The following STK3 variants were observed in gnomAD, a reference collection of about 807,000 sequenced individuals.
The protein encoded by STK3 is serine/threonine-protein kinase 3.
STK3 carries 41 observed loss-of-function variants against 58.0 expected under a neutral mutation model. The observed-to-expected ratio is 0.71, with a 90% CI of 0.55 to 0.92. STK3 has a LOEUF of 0.92. STK3 is among the 40% of genes least tolerant of loss of function. STK3 has a pLI of 0.00. For synonymous variants in STK3, 170 were observed against 191.0 expected, an observed-to-expected ratio of 0.89 and a Z score of 0.91; for missense variants, 479 against 602.7, an observed-to-expected ratio of 0.79 and a Z score of 2.15.
intron 3 of STK3, among the ~76,000 whole-genome samples, chr8:98,832,507 A>G (rs1053412893): frequency 1.3e-5 from 2 of 152,186 alleles, no homozygotes; most frequent in African/African-American, 4.8e-5. Context: ...AATGCTGGTC[A>G]GTTGTATTGT....
chr8:98,571,043 CT>C (rs373721477), intron 8 of STK3, among the ~76,000 whole-genome samples: 10 of 152,278 alleles, frequency 6.6e-5, no homozygotes, highest in African/African-American at 2.4e-4. Context: ...AAAAGGTAGA[CT>C]TTTGGCCAGA....
chr8:98,827,606 TA>T (rs1360065975), upstream of STK3, among the ~76,000 whole-genome samples: 1 of 152,226 alleles, frequency 6.6e-6, no homozygotes, highest in Non-Finnish European at 1.5e-5. Flanking sequence ...TTAGTTATTT[TA>T]AGACCATTCA....
intron 1 of STK3, among the ~76,000 whole-genome samples, chr8:98,443,326 T>G (rs951907540): frequency 6.6e-6 from 1 of 152,244 alleles, no homozygotes; most frequent in African/African-American, 2.4e-5. Flanking sequence ...TATTGAGTAA[T>G]CTAACTCAGG....
chr8:98,719,275 T>C (rs12547297), intron 4 of STK3, among the ~76,000 whole-genome samples: 36,606 of 152,124 alleles, frequency 0.24, 5,313 homozygotes, highest in East Asian at 0.42. Context: ...GCCCATAAAA[T>C]TGTGTCTTAT....
intron 6 of STK3, among the ~76,000 whole-genome samples, chr8:98,609,072 C>G (rs1816979702): frequency 6.6e-6 from 1 of 152,164 alleles, no homozygotes; most frequent in South Asian, 2.1e-4. Flanking sequence ...AACTGATCTT[C>G]CTTAGAAAAT....
At chr8:98,726,908 G>C (rs937377322) in intron 4 of STK3, among the ~76,000 whole-genome samples, 3 of 152,274 alleles carry the variant, frequency 2.0e-5, no homozygotes, top group African/African-American at 7.2e-5. Context: ...ATCTTCCACA[G>C]TTTAAGATTC....
intron 2 of STK3, among the ~76,000 whole-genome samples, chr8:98,375,259 AC>A (rs1296319270): frequency 2.8e-5 from 2 of 71,294 alleles, no homozygotes; most frequent in South Asian, 4.3e-4. Flanking sequence ...TGTTTCCAAA[AC>A]AAAAAAAAAA....
chr8:98,765,768 G>A lies in STK3; in HGVS notation c.236+1475C>T, dbSNP rs549897400. On this transcript the variant is annotated intron_variant, in intron 3 of 10. Coordinates refer to ENST00000419617, the MANE Select transcript of STK3 (RefSeq NM_006281.4). ...GAGACATGGCTGTTCCTTTGTTGCT[G>A]CTGTACTAGCAGACTTTTTGTTAAG... 2.6e-5 allele frequency among the ~76,000 whole-genome samples: 4 copies of A among 152,310 alleles called. No homozygotes were observed. The East Asian group carries it at 7.7e-4, about 29-fold the overall frequency.
At chr8:98,917,377 G>A (rs981282237) in intron 1 of STK3, among the ~76,000 whole-genome samples, 9 of 152,158 alleles carry the variant, frequency 5.9e-5, no homozygotes, top group African/African-American at 2.2e-4. Flanking sequence ...CTGCATTCCA[G>A]GGAGCAGAAT....
chr8:98,386,483 T>C (rs2131007219), intron 1 of STK3, among the ~76,000 whole-genome samples: 1 of 152,284 alleles, frequency 6.6e-6, no homozygotes, highest in South Asian at 2.1e-4. Context: ...AGGCAGAGAA[T>C]ACTGTTTATA....
At chr8:98,644,700 C>T (rs2130639736) in intron 6 of STK3, among the ~76,000 whole-genome samples, 1 of 152,228 alleles carries the variant, frequency 6.6e-6, no homozygotes, top group African/African-American at 2.4e-5. Context: ...TCAATGAAGG[C>T]ATATGACTCC....
intron 3 of STK3, among the ~76,000 whole-genome samples, chr8:98,766,861 G>A (rs997782097): frequency 2.6e-5 from 4 of 152,176 alleles, no homozygotes; most frequent in Non-Finnish European, 2.9e-5. Context: ...GGTAGCTCAC[G>A]CCTGTAATCC....
intron 6 of STK3, among the ~76,000 whole-genome samples, chr8:98,693,839 A>T (rs1291455230): frequency 6.6e-6 from 1 of 150,970 alleles, no homozygotes; most frequent in Non-Finnish European, 1.5e-5. Flanking sequence ...GAATTTCTCA[A>T]GCAAATTTTA....
intron 4 of STK3, among the ~76,000 whole-genome samples, chr8:98,720,546 C>T (rs1031911769): frequency 2.0e-5 from 3 of 151,908 alleles, no homozygotes; most frequent in African/African-American, 4.8e-5. Flanking sequence ...GTCAGGAGAT[C>T]GAGACCATCC....
chr8:98,430,845 C>T (rs561486472), intron 3 of STK3: 2 of 167,080 alleles, frequency 1.2e-5, no homozygotes, highest in Admixed American at 6.5e-5. Flanking sequence ...ATTCAAAAGA[C>T]CTTCAAGCTT....
intron 1 of STK3, among the ~76,000 whole-genome samples, chr8:98,813,984 G>A (rs755892186): frequency 1.3e-5 from 2 of 152,048 alleles, no homozygotes; most frequent in African/African-American, 2.4e-5. Context: ...AATCCAGTTC[G>A]TTGTAAGTAT....
intron 2 of STK3, among the ~76,000 whole-genome samples, chr8:98,378,713 C>T (rs1040618655): frequency 2.4e-4 from 37 of 152,278 alleles, no homozygotes; most frequent in Non-Finnish European, 2.9e-5. Context: ...TAATTTCAGG[C>T]TCCAGTCCCT....
chr8:98,370,478 TATG>T (rs1817600389), downstream of STK3, among the ~76,000 whole-genome samples: 1 of 151,970 alleles, frequency 6.6e-6, no homozygotes, highest in Non-Finnish European at 1.5e-5. Flanking sequence ...AGACTCATCT[TATG>T]CCTGAAAAGC....
At chr8:98,632,692 T>C (rs1819349510) in intron 6 of STK3, among the ~76,000 whole-genome samples, 1 of 152,182 alleles carries the variant, frequency 6.6e-6, no homozygotes. Flanking sequence ...AAAATATGCA[T>C]TATGAGTATA....
Sources: allele counts gnomAD v4.1 joint callset (sites outside exome capture counted in the v4.1 genomes callset), GRCh38; gene constraint gnomAD v4.1.1; transcripts MANE v1.5; gene names NCBI Gene and HGNC (gene_info 2026-07-23, HGNC 2026-07-21).